The following PGCKA1 variants were observed in gnomAD, a reference collection of about 807,000 sequenced individuals.
PGCKA1 encodes PDCD10 and GCKIII kinases associated 1.
At chr4:37,588,623 C>T in the PGCKA1 span, 1 of 501,800 alleles carries the variant, frequency 2.0e-6, no homozygotes, top group Non-Finnish European at 3.6e-6. Context: ...AGGTCTGACA[C>T]AGAGGCAAGT....
chr4:37,533,985 A>G, the PGCKA1 span, among the ~76,000 whole-genome samples: 5 of 152,212 alleles, frequency 3.3e-5, no homozygotes, highest in East Asian at 9.6e-4. Flanking sequence ...TGTAAATGAC[A>G]CTGAAAGGAA....
the PGCKA1 span, among the ~76,000 whole-genome samples, chr4:37,504,681 G>A: frequency 6.6e-6 from 1 of 152,000 alleles, no homozygotes; most frequent in Non-Finnish European, 1.5e-5. Flanking sequence ...TTTATGTGTA[G>A]CTGTTGTAAA....
chr4:37,462,187 GC>G, the PGCKA1 span, among the ~76,000 whole-genome samples: 2 of 152,080 alleles, frequency 1.3e-5, no homozygotes, highest in Admixed American at 1.3e-4. Context: ...TTTTTGGCAG[GC>G]AATTATTTGT....
At chr4:37,493,303 A>C in the PGCKA1 span, among the ~76,000 whole-genome samples, 2 of 152,218 alleles carry the variant, frequency 1.3e-5, no homozygotes, top group South Asian at 2.1e-4. Context: ...GTTCTAATTC[A>C]TGGTGAATTA....
chr4:37,558,670 G>A, the PGCKA1 span, among the ~76,000 whole-genome samples: 3 of 145,958 alleles, frequency 2.1e-5, no homozygotes, highest in Admixed American at 6.9e-5. Flanking sequence ...CTACAAAATG[G>A]GAGAAAATTT....
At chr4:37,492,677 A>G in the PGCKA1 span, among the ~76,000 whole-genome samples, 2 of 152,138 alleles carry the variant, frequency 1.3e-5, no homozygotes, top group Non-Finnish European at 2.9e-5. This position sits in a 1 kb window ranked among gnomAD's most constrained non-coding sequence, Gnocchi z 4.7. Context: ...CAATTCAGAA[A>G]CCTTCTGGTT....
chr4:37,530,177 C>A, the PGCKA1 span, among the ~76,000 whole-genome samples: 18 of 152,190 alleles, frequency 1.2e-4, 1 homozygote, highest in Non-Finnish European at 4.4e-5. Context: ...AATAGACAAC[C>A]TGTGATTCCT....
At chr4:37,480,649 G>C in the PGCKA1 span, among the ~76,000 whole-genome samples, 1 of 152,236 alleles carries the variant, frequency 6.6e-6, no homozygotes, top group Non-Finnish European at 1.5e-5. Context: ...GTTCATGGCA[G>C]GGTTGGAATC....
chr4:37,538,991 C>T, the PGCKA1 span, among the ~76,000 whole-genome samples: 31 of 152,214 alleles, frequency 2.0e-4, no homozygotes, highest in Non-Finnish European at 3.5e-4. Flanking sequence ...AGATGCATGT[C>T]GCAATGATAA....
At chr4:37,550,353 A>G in the PGCKA1 span, among the ~76,000 whole-genome samples, 1 of 148,564 alleles carries the variant, frequency 6.7e-6, no homozygotes, top group East Asian at 2.1e-4. Context: ...CTGGAAAAAA[A>G]AGTTACACAG....
At chr4:37,570,571 T>C in the PGCKA1 span, among the ~76,000 whole-genome samples, 2 of 152,212 alleles carry the variant, frequency 1.3e-5, no homozygotes, top group Non-Finnish European at 2.9e-5. Context: ...CTGGTAGTTA[T>C]TTTTATTCAT....
the PGCKA1 span, among the ~76,000 whole-genome samples, chr4:37,559,309 T>C: frequency 1.6e-5 from 2 of 129,012 alleles, no homozygotes; most frequent in African/African-American, 6.0e-5. Context: ...ATGGATGAAA[T>C]TGGAAATCAT....
chr4:37,562,993 A>G, the PGCKA1 span, among the ~76,000 whole-genome samples: 1 of 152,114 alleles, frequency 6.6e-6, no homozygotes, highest in Non-Finnish European at 1.5e-5. Context: ...CCAAGTGCAA[A>G]ACCTATTTTT....
the PGCKA1 span, among the ~76,000 whole-genome samples, chr4:37,528,721 G>A: frequency 6.6e-6 from 1 of 152,192 alleles, no homozygotes; most frequent in African/African-American, 2.4e-5. Context: ...ATAGTCTGCG[G>A]TAGCAAGAGT....
chr4:37,549,624 T>C, the PGCKA1 span, among the ~76,000 whole-genome samples: 1 of 152,170 alleles, frequency 6.6e-6, no homozygotes, highest in Admixed American at 6.5e-5. Context: ...GCTTGCTCTG[T>C]GAAAATCCCC....
chr4:37,499,353 A>G, the PGCKA1 span, among the ~76,000 whole-genome samples: 1 of 152,060 alleles, frequency 6.6e-6, no homozygotes, highest in Non-Finnish European at 1.5e-5. Flanking sequence ...ATTAGGGAGG[A>G]GTCCCTTTGG....
the PGCKA1 span, among the ~76,000 whole-genome samples, chr4:37,550,580 A>G: frequency 6.6e-6 from 1 of 152,340 alleles, no homozygotes; most frequent in South Asian, 2.1e-4. Context: ...AATATGTATC[A>G]TTGAGCATTG....
chr4:37,517,719 A>G, the PGCKA1 span, among the ~76,000 whole-genome samples: 1 of 152,236 alleles, frequency 6.6e-6, no homozygotes, highest in Non-Finnish European at 1.5e-5. Flanking sequence ...AGAATGGGAT[A>G]TCCATCCCCT....
the PGCKA1 span, among the ~76,000 whole-genome samples, chr4:37,526,083 C>G: frequency 0.58 from 88,756 of 152,022 alleles, 26,415 homozygotes; most frequent in South Asian, 0.68. Flanking sequence ...AAGCAAAGGA[C>G]ACAAGCAAAT....
Sources: gnomAD v4.1 joint callset for allele counts (sites outside exome capture counted in the v4.1 genomes callset) on GRCh38, gnomAD v4.1.1 for gene constraint, Gnocchi (gnomAD v3.1) non-coding constraint, MANE v1.5 for transcripts, NCBI Gene and HGNC (gene_info 2026-07-23, HGNC 2026-07-21) for gene names.